TSPAN4: variants seen among roughly 807,000 people sequenced by gnomAD.
The protein encoded by TSPAN4 is tetraspanin 4, also known as tetraspanin-4.
Under a neutral mutation model 31.5 loss-of-function variants are expected in TSPAN4, and 38 were observed. The observed-to-expected ratio is 1.21, with a 90% CI of 0.93 to 1.58. The LOEUF is 1.58. Ranked by LOEUF, TSPAN4 falls within the 40% of genes most tolerant of loss-of-function variation. The pLI is 0.00. For synonymous variants in TSPAN4, 186 were observed against 144.6 expected (o/e 1.29, Z -2.06); for missense variants, 330 against 317.3 (o/e 1.04, Z -0.30).
At chr11:843,372 CCCGA>C (rs1445228415) in intron 1 of TSPAN4, 3 of 152,100 alleles carry the variant, frequency 2.0e-5, no homozygotes, top group Non-Finnish European at 4.4e-5. Flanking sequence ...TGCTCGCCGT[CCCGA>C]GCTCCCGACG....
At chr11:852,064 G>T (rs1000141388) in intron 3 of TSPAN4, among the ~76,000 whole-genome samples, 7 of 152,110 alleles carry the variant, frequency 4.6e-5, no homozygotes, top group Admixed American at 2.6e-4. Flanking sequence ...TCCTCAACCT[G>T]GGAAAGAACA....
rs1386972208 is a variant in TSPAN4 at position 842,857 on chromosome 11, C to T, written c.-176C>T. The T allele has an allele frequency of 2.1e-5, 4 of 194,430 alleles. No homozygotes were observed. Among genetic ancestry groups the T allele is most frequent in the East Asian group, 1.2e-4 (1 of 8,496 alleles). 12.0% of individuals were successfully genotyped at this position (194,430 alleles called of 1,614,324 possible). On this transcript the variant is annotated 5_prime_UTR_variant, in exon 1 of 9. Transcript: ENST00000397397. ...GGCGGCGGTTCGCGTTTCTCGTGTC[C>T]GCTTGACTGACAGCTGCGCGGCGGG...
At chr11:852,512 C>T (rs531649532) in intron 3 of TSPAN4, among the ~76,000 whole-genome samples, 38 of 152,316 alleles carry the variant, frequency 2.5e-4, no homozygotes, top group African/African-American at 8.9e-4. Flanking sequence ...TGGGCTGGTG[C>T]CCAGTGGGGG....
intron 3 of TSPAN4, among the ~76,000 whole-genome samples, chr11:853,345 AGGTCTCTTTG>A (rs1847861213): frequency 6.6e-6 from 1 of 152,156 alleles, no homozygotes; most frequent in Admixed American, 6.5e-5. Context: ...CTGGCTTCCA[AGGTCTCTTTG>A]GGTCCAGGCC....
chr11:845,754 T>C (rs1003922814), intron 1 of TSPAN4, among the ~76,000 whole-genome samples: 13 of 151,624 alleles, frequency 8.6e-5, no homozygotes, highest in Admixed American at 4.6e-4. Context: ...AGGCCTGGAG[T>C]GTGGGGTTAG....
chr11:862,651 C>G lies in TSPAN4; in HGVS notation c.165C>G (p.Asn55Lys). The G allele has an allele frequency of 6.2e-7, 1 of 1,613,460 alleles. No individual in the cohort carries two copies. The highest frequency in any genetic ancestry group is 8.5e-7 in the Non-Finnish European group (1 of 1,179,910). ...CCTTCCCGTCCCTGTCGGCTGCCAACTTGCTCATCATCACCGGCGCCTTTG... is the reference window on the plus strand; with the variant it reads ...CCTTCCCGTCCCTGTCGGCTGCCAAGTTGCTCATCATCACCGGCGCCTTTG... ...SSSFPSLSAANLLIITGAFVM... is the reference protein window; with the variant it reads ...SSSFPSLSAAKLLIITGAFVM... Residue 55 changes from asparagine to lysine, a missense_variant, in exon 4 of 9, where the codon AAC (asparagine) becomes AAG (lysine). By Grantham distance (94) the Asn-to-Lys change is moderately conservative. Transcript: ENST00000397397.
rs144483765 is a variant in TSPAN4, at chr11:865,801, C to T, written c.540C>T (p.His180=). 28 of 1,612,258 alleles carry T rather than the reference C, an allele frequency of 1.7e-5. No individual in the cohort carries two copies. The highest frequency in any genetic ancestry group is 1.6e-4 in the Middle Eastern group (1 of 6,080). The part of the protein sequence containing the change: ...CLEFSESCGL[H]APGTWWKAPC... The stretch of plus-strand genomic sequence containing the variant: ...AGTTCAGTGAGAGCTGTGGGCTGCA[C>T]GCCCCCGGCACCTGGTGGAAGGCGG... The change falls in exon 7 of 9, where the codon CAC becomes CAT. Residue 180 remains histidine (H), a synonymous_variant. Transcript: ENST00000397397.
At chr11:861,348 C>T (rs1848445298) in intron 3 of TSPAN4, among the ~76,000 whole-genome samples, 1 of 152,206 alleles carries the variant, frequency 6.6e-6, no homozygotes, top group African/African-American at 2.4e-5. Context: ...GGCGCGGTGG[C>T]TCATGCCTGT....
chr11:859,270 C>G (rs1315831500), intron 3 of TSPAN4, among the ~76,000 whole-genome samples: 2 of 120,362 alleles, frequency 1.7e-5, no homozygotes, highest in African/African-American at 3.3e-5. Context: ...CACACCCTGG[C>G]CCACACGCAC....
chr11:850,029 A>G (rs1406001787), intron 2 of TSPAN4: 1 of 226,126 alleles, frequency 4.4e-6, no homozygotes, highest in Admixed American at 6.0e-5. Context: ...CCCGGGCGCG[A>G]TGCGCCGCTC....
At chr11:851,670 C>T (rs191307776) in intron 3 of TSPAN4, among the ~76,000 whole-genome samples, 9 of 146,222 alleles carry the variant, frequency 6.2e-5, no homozygotes, top group Non-Finnish European at 1.2e-4. Context: ...GCCTGAGGGG[C>T]GCCTTGGAGG....
At chr11:847,785 G>A (rs1385861828) in intron 2 of TSPAN4, among the ~76,000 whole-genome samples, 2 of 152,136 alleles carry the variant, frequency 1.3e-5, no homozygotes, top group Admixed American at 1.3e-4. Context: ...GCTGGGCTCA[G>A]TGCAGGCACC....
intron 1 of TSPAN4, chr11:844,118 G>A (rs1847145342): frequency 6.6e-6 from 1 of 152,366 alleles, no homozygotes; most frequent in Non-Finnish European, 1.5e-5. Context: ...GGGCAGGACA[G>A]GGGCCCTGAG....
In TSPAN4 at chr11:865,687, C is replaced by T; in HGVS notation, c.433-7C>T. The T allele has an allele frequency of 6.2e-7, 1 of 1,613,198 alleles. No individual in the cohort carries two copies. Among genetic ancestry groups the T allele is most frequent in the Non-Finnish European group, 8.5e-7 (1 of 1,179,882 alleles). On this transcript the variant is annotated splice_region_variant and splice_polypyrimidine_tract_variant and intron_variant, in intron 6 of 8. Transcript: ENST00000397397. ...CTGCCTCAGCCCGACCTGAGCTTGC[C>T]CCCCAGTTCCGCTGCTGTGGCGTCT...
At chr11:860,208 G>C (rs1848377516) in intron 3 of TSPAN4, among the ~76,000 whole-genome samples, 1 of 152,228 alleles carries the variant, frequency 6.6e-6, no homozygotes, top group Admixed American at 6.5e-5. Context: ...GCGTGTGTGG[G>C]ACTTGTGGGG....
chr11:865,303 C>T (rs1359613262), intron 5 of TSPAN4: 4 of 584,962 alleles, frequency 6.8e-6, no homozygotes, highest in Non-Finnish European at 1.2e-5. Flanking sequence ...CTCCCCCAGC[C>T]TGGGGAGGAA....
intron 3 of TSPAN4, among the ~76,000 whole-genome samples, chr11:853,664 G>A (rs1847881703): frequency 6.6e-6 from 1 of 152,142 alleles, no homozygotes; most frequent in Admixed American, 6.5e-5. Flanking sequence ...TGGGGGACCC[G>A]GTGGGGCCTT....
intron 1 of TSPAN4, chr11:844,318 A>T (rs1459621504): frequency 6.6e-6 from 1 of 152,242 alleles, no homozygotes; most frequent in African/African-American, 2.4e-5. Context: ...TTGTTTACTC[A>T]GAGCAAGGGG....
At chr11:860,219 C>T (rs1325559415) in intron 3 of TSPAN4, among the ~76,000 whole-genome samples, 2 of 152,188 alleles carry the variant, frequency 1.3e-5, no homozygotes, top group Non-Finnish European at 2.9e-5. Context: ...ACTTGTGGGG[C>T]CCCAGCAGTG....
Sources: allele counts gnomAD v4.1 joint callset (sites outside exome capture counted in the v4.1 genomes callset), GRCh38; gene constraint gnomAD v4.1.1; transcripts MANE v1.5; gene names NCBI Gene and HGNC (gene_info 2026-07-23, HGNC 2026-07-21).